CRB1: variants seen among roughly 807,000 people sequenced by gnomAD.
The protein encoded by CRB1 is crumbs cell polarity complex component 1, also known as protein crumbs homolog 1.
In CRB1, 83 loss-of-function variants were observed where a neutral mutation model predicts 120.0. That is an observed-to-expected ratio of 0.69 (90% confidence interval 0.58 to 0.83). The LOEUF is 0.83. CRB1 is among the 40% of genes least tolerant of loss of function. The pLI is 0.00. For synonymous variants in CRB1, 625 were observed against 612.5 expected (o/e 1.02, Z -0.30); for missense variants, 1,699 against 1,687.6 (o/e 1.01, Z -0.12).
chr1:197,346,021 ACCC>A (rs1352851946), intron 3 of CRB1, among the ~76,000 whole-genome samples: 1 of 152,162 alleles, frequency 6.6e-6, no homozygotes, highest in African/African-American at 2.4e-5. Context: ...AAGGAGGCTT[ACCC>A]TTCCATACTT....
intron 5 of CRB1, among the ~76,000 whole-genome samples, chr1:197,369,160 T>A (rs1661234531): frequency 6.6e-6 from 1 of 152,148 alleles, no homozygotes. Context: ...ATGCTTTTTT[T>A]CTAACTACCC....
chr1:197,217,074 G>A, the CRB1 span, among the ~76,000 whole-genome samples: 5 of 151,770 alleles, frequency 3.3e-5, no homozygotes, highest in African/African-American at 4.8e-5. Context: ...AGTGTACATC[G>A]AATTGAAATA....
the CRB1 span, among the ~76,000 whole-genome samples, chr1:197,223,459 A>G: frequency 2.0e-5 from 3 of 151,634 alleles, no homozygotes. Context: ...TAGATTCCAT[A>G]ATATACTGAA....
At chr1:197,468,551 T>C (rs1666845287) in intron 11 of CRB1, among the ~76,000 whole-genome samples, 1 of 152,080 alleles carries the variant, frequency 6.6e-6, no homozygotes, top group Non-Finnish European at 1.5e-5. Flanking sequence ...GGGCAATCAG[T>C]GTTACAAGTG....
chr1:197,438,523 T>C, intron 9 of CRB1, 24 bp from the exon 10 acceptor site: 15 of 1,611,064 alleles, frequency 9.3e-6, no homozygotes, highest in Non-Finnish European at 1.3e-5. Context: ...TGAACAGCTG[T>C]GGCTCTTGCT....
At chr1:197,244,304 G>T in the CRB1 span, among the ~76,000 whole-genome samples, 2 of 152,166 alleles carry the variant, frequency 1.3e-5, no homozygotes, top group Admixed American at 6.6e-5. Context: ...TTTTTGCAGT[G>T]GCTGGTATGG....
chr1:197,305,708 T>G (rs1031554223), intron 1 of CRB1, among the ~76,000 whole-genome samples: 1 of 151,986 alleles, frequency 6.6e-6, no homozygotes, highest in African/African-American at 2.4e-5. Context: ...CAATATTAAC[T>G]GCACATGAAC....
At chr1:197,466,649 C>T (rs1666761882) in intron 11 of CRB1, among the ~76,000 whole-genome samples, 1 of 152,126 alleles carries the variant, frequency 6.6e-6, no homozygotes, top group South Asian at 2.1e-4. Flanking sequence ...ACTTTGGCAA[C>T]TGGTTTTGAT....
intron 1 of CRB1, among the ~76,000 whole-genome samples, chr1:197,321,305 AGTT>A (rs1468366465): frequency 1.3e-5 from 2 of 152,258 alleles, no homozygotes; most frequent in Non-Finnish European, 1.5e-5. Flanking sequence ...ATGGCATTGT[AGTT>A]GTTGTGCTCA....
chr1:197,281,705 T>C (rs994343080), intron 1 of CRB1, among the ~76,000 whole-genome samples: 2 of 151,902 alleles, frequency 1.3e-5, no homozygotes, highest in African/African-American at 4.8e-5. Context: ...CATTAACTTA[T>C]TGTTTAATGA....
intron 5 of CRB1, among the ~76,000 whole-genome samples, chr1:197,365,017 G>C (rs899862572): frequency 3.7e-4 from 54 of 146,844 alleles, no homozygotes; most frequent in African/African-American, 1.2e-3. Context: ...TTTGAATTTA[G>C]CAGACAATCA....
At chr1:197,473,913 T>C (rs1186002159) in intron 11 of CRB1, among the ~76,000 whole-genome samples, 1 of 151,560 alleles carries the variant, frequency 6.6e-6, no homozygotes, top group Non-Finnish European at 1.5e-5. Context: ...GAAGAGGCGA[T>C]TTCAAAACCC....
chr1:197,254,293 T>C, the CRB1 span, among the ~76,000 whole-genome samples: 62 of 152,152 alleles, frequency 4.1e-4, no homozygotes, highest in African/African-American at 1.4e-3. Flanking sequence ...GGCCATTCCT[T>C]GTCCTGAGTG....
chr1:197,318,478 A>G (rs1657985466), intron 1 of CRB1, among the ~76,000 whole-genome samples: 2 of 152,222 alleles, frequency 1.3e-5, no homozygotes, highest in African/African-American at 4.8e-5. Context: ...CTACTGTATG[A>G]TCCAGCAATC....
the CRB1 span, among the ~76,000 whole-genome samples, chr1:197,218,132 T>C: frequency 6.6e-6 from 1 of 152,228 alleles, no homozygotes; most frequent in Non-Finnish European, 1.5e-5. Flanking sequence ...GATGATGTCA[T>C]AGTGCTTGCA....
chr1:197,460,881 C>T (rs1487112353), intron 11 of CRB1, among the ~76,000 whole-genome samples: 1 of 152,040 alleles, frequency 6.6e-6, no homozygotes, highest in South Asian at 2.1e-4. Flanking sequence ...ATCATGGGAC[C>T]AACTGTGTCC....
At chr1:197,360,069 G>C (rs1180306102) in intron 5 of CRB1, among the ~76,000 whole-genome samples, 1 of 151,986 alleles carries the variant, frequency 6.6e-6, no homozygotes, top group African/African-American at 2.4e-5. Flanking sequence ...TTTTAATTCA[G>C]TTTCTACATA....
chr1:197,454,710 G>A (rs943078082), intron 11 of CRB1, among the ~76,000 whole-genome samples: 3 of 152,130 alleles, frequency 2.0e-5, no homozygotes, highest in African/African-American at 4.8e-5. Flanking sequence ...AAATCATGCA[G>A]CATTTTTGTT....
chr1:197,325,325 AT>A (rs1164737055), intron 1 of CRB1, among the ~76,000 whole-genome samples: 11 of 152,202 alleles, frequency 7.2e-5, no homozygotes, highest in Admixed American at 7.2e-4. Context: ...TTTGAGTTCT[AT>A]CTCCAGTAGC....
Sources: allele counts gnomAD v4.1 joint callset (sites outside exome capture counted in the v4.1 genomes callset), GRCh38; gene constraint gnomAD v4.1.1; transcripts MANE v1.5; gene names NCBI Gene and HGNC (gene_info 2026-07-23, HGNC 2026-07-21).